The following C12orf56 variants were observed in gnomAD, a reference collection of about 807,000 sequenced individuals.
C12orf56 encodes the protein chromosome 12 open reading frame 56.
A neutral mutation model predicts 69.9 loss-of-function variants in C12orf56; 71 were observed. That is an observed-to-expected ratio of 1.02 (90% confidence interval 0.84 to 1.24). C12orf56 has a LOEUF of 1.24. Ranked by LOEUF, C12orf56 falls within the 50% of genes most tolerant of loss-of-function variation. The probability of loss-of-function intolerance (pLI) is 0.00; values close to 1 mark genes in which losing one functional copy is unlikely to be tolerated. For synonymous variants in C12orf56, 276 were observed against 274.1 expected (o/e 1.01, Z -0.07); for missense variants, 732 against 738.5 (o/e 0.99, Z 0.10).
rs941703910 is a variant in C12orf56 at position 64,351,928 on chromosome 12, G to T, written c.415+966C>A. Among the ~76,000 whole-genome samples the T allele has an allele frequency of 6.6e-5, 10 of 151,274 alleles. No individual in the cohort carries two copies. In the South Asian group the frequency reaches 1.3e-3, roughly 19 times the overall value. ...TTCTCTGTCCTCGCTTCACAGATAG[G>T]AAATTGTATCTCTGTACTACAGGAT... is the stretch of plus-strand genomic sequence containing the variant. On this transcript the variant is annotated intron_variant, in intron 2 of 12. Transcript: ENST00000543942.
chr12:64,318,297 A>G (rs1001567152), intron 4 of C12orf56, among the ~76,000 whole-genome samples: 1 of 152,094 alleles, frequency 6.6e-6, no homozygotes, highest in African/African-American at 2.4e-5. Flanking sequence ...TTCTGACCTC[A>G]AGAGATCCAT....
chr12:64,299,225 A>G (rs1238384956), intron 6 of C12orf56, among the ~76,000 whole-genome samples: 2 of 152,128 alleles, frequency 1.3e-5, no homozygotes, highest in Admixed American at 6.6e-5. Flanking sequence ...ATTTTTGTGC[A>G]TTGATTTCGT....
intron 6 of C12orf56, among the ~76,000 whole-genome samples, chr12:64,294,991 C>T (rs1449588089): frequency 6.6e-6 from 1 of 151,818 alleles, no homozygotes; most frequent in African/African-American, 2.4e-5. Flanking sequence ...ACCTCCACAT[C>T]CTGGTTTCAA....
intron 6 of C12orf56, among the ~76,000 whole-genome samples, chr12:64,300,496 G>GA (rs1457986523): frequency 1.3e-5 from 2 of 152,072 alleles, no homozygotes; most frequent in Non-Finnish European, 2.9e-5. Flanking sequence ...CTCCTACCTA[G>GA]ACATGCACTT....
chr12:64,287,243 CAAAA>C (rs534894017), intron 6 of C12orf56, among the ~76,000 whole-genome samples: 21 of 98,746 alleles, frequency 2.1e-4, no homozygotes, highest in South Asian at 1.2e-3. Flanking sequence ...GAGACTCCAT[CAAAA>C]AAAAAAAAAA....
Position 64,265,643 on chromosome 12 carries a change from C to T in C12orf56, c.*1540G>A, listed in dbSNP as rs1277564201. On this transcript the variant is annotated 3_prime_UTR_variant, in exon 13 of 13. Transcript: ENST00000543942. ...AGCTGGTCATTTGGCTCTGTCAGAA[C>T]CTGGAATAAAATGTCCTAGTAATTA... The T allele has an allele frequency of 6.6e-6, 1 of 152,170 alleles. No homozygotes were observed. Among genetic ancestry groups the T allele is most frequent in the African/African-American group, 2.4e-5 (1 of 41,422 alleles). The allele number at this position is 152,170 out of a possible 1,614,324, so 9.4% of individuals were successfully genotyped here.
chr12:64,364,496 T>A (rs896813083), intron 1 of C12orf56, among the ~76,000 whole-genome samples: 1 of 151,974 alleles, frequency 6.6e-6, no homozygotes, highest in African/African-American at 2.4e-5. Flanking sequence ...CAGTCACTCA[T>A]GCAGGCCTTG....
chr12:64,378,040 T>C (rs1157471925), intron 1 of C12orf56, among the ~76,000 whole-genome samples: 1 of 152,222 alleles, frequency 6.6e-6, no homozygotes, highest in Non-Finnish European at 1.5e-5. Flanking sequence ...CTAAGAATAT[T>C]ATCTGAGTTG....
chr12:64,273,033 C>T (rs2038009172), intron 11 of C12orf56, among the ~76,000 whole-genome samples: 1 of 152,202 alleles, frequency 6.6e-6, no homozygotes, highest in South Asian at 2.1e-4. Flanking sequence ...CACAGTGGCT[C>T]ATGCCTGTAA....
chr12:64,287,261 A>AGAAGAAGAAG (rs1389739195), intron 6 of C12orf56, among the ~76,000 whole-genome samples: 2 of 67,594 alleles, frequency 3.0e-5, no homozygotes, highest in Middle Eastern at 7.4e-3. Context: ...AAAAAAAAAA[A>AGAAGAAGAAG]AAGAAGAAGA....
intron 1 of C12orf56, among the ~76,000 whole-genome samples, chr12:64,378,571 C>A (rs961980329): frequency 3.9e-5 from 6 of 152,100 alleles, no homozygotes; most frequent in African/African-American, 1.4e-4. Flanking sequence ...GTAACTGGGA[C>A]TACAGGCATG....
At chr12:64,347,641 G>T (rs1282310322) in intron 2 of C12orf56, among the ~76,000 whole-genome samples, 2 of 152,196 alleles carry the variant, frequency 1.3e-5, no homozygotes, top group East Asian at 3.9e-4. Context: ...TCTTCTACCT[G>T]TCTCTCTAGT....
chr12:64,310,609 C>G (rs76913202), intron 5 of C12orf56, among the ~76,000 whole-genome samples: 1 of 151,854 alleles, frequency 6.6e-6, no homozygotes, highest in African/African-American at 2.4e-5. Context: ...TATTTCCTTG[C>G]AGGTGGGGAG....
At chr12:64,280,027 T>C (rs891713139) in intron 8 of C12orf56, among the ~76,000 whole-genome samples, 12 of 152,112 alleles carry the variant, frequency 7.9e-5, no homozygotes, top group Admixed American at 7.9e-4. Flanking sequence ...AATTCAACCC[T>C]AACAATACTA....
intron 4 of C12orf56, 78 bp downstream of exon 4, chr12:64,318,497 G>A (rs2038717993): frequency 1.6e-6 from 2 of 1,261,936 alleles, no homozygotes; most frequent in East Asian, 5.1e-5. Context: ...GGGAGGTAAA[G>A]GAGGGAGGAG....
At chr12:64,373,806 G>A (rs912625527) in intron 1 of C12orf56, among the ~76,000 whole-genome samples, 1 of 152,182 alleles carries the variant, frequency 6.6e-6, no homozygotes, top group Middle Eastern at 3.4e-3. Flanking sequence ...TTATTTATAT[G>A]TTTTTTTAAT....
chr12:64,342,316 C>T (rs2039084520), intron 2 of C12orf56, among the ~76,000 whole-genome samples: 1 of 152,172 alleles, frequency 6.6e-6, no homozygotes, highest in African/African-American at 2.4e-5. Context: ...AAGTTCTGCC[C>T]AATGGGAAGA....
chr12:64,266,654 G>T lies in C12orf56; in HGVS notation c.*529C>A, dbSNP rs2037922420. 1 of 883,830 alleles carries T rather than the reference G, an allele frequency of 1.1e-6. No individual in the cohort carries two copies. The highest frequency in any genetic ancestry group is 1.5e-6 in the Non-Finnish European group (1 of 651,298). The allele number at this position is 883,830 out of a possible 1,614,324, so 54.7% of individuals were successfully genotyped here. A position where few individuals can be genotyped will look rare whatever the true frequency, so the allele number is the denominator to read the frequency against. On this transcript the variant is annotated 3_prime_UTR_variant, in exon 13 of 13. Transcript: ENST00000543942. ...AGAATCGGGTGAAGAGCATGCTCCT[G>T]TGCCTGGCATGGTTTCACCGAGAAC... is the stretch of plus-strand genomic sequence containing the variant.
At chr12:64,308,765 C>T (rs1245089382) in intron 5 of C12orf56, among the ~76,000 whole-genome samples, 1 of 150,982 alleles carries the variant, frequency 6.6e-6, no homozygotes, top group Non-Finnish European at 1.5e-5. Flanking sequence ...ATTGCTTGAA[C>T]CCGGGTGGTG....
Sources: gnomAD v4.1 joint callset for allele counts (sites outside exome capture counted in the v4.1 genomes callset) on GRCh38, gnomAD v4.1.1 for gene constraint, MANE v1.5 for transcripts, NCBI Gene and HGNC (gene_info 2026-07-23, HGNC 2026-07-21) for gene names.